Variants in PFKFB3 observed in about 807,000 individuals in gnomAD.
PFKFB3 encodes the protein 6-phosphofructo-2-kinase/fructose-2,6-biphosphatase 3, also known as 6-phosphofructo-2-kinase/fructose-2,6-bisphosphatase 3.
PFKFB3 carries 33 observed loss-of-function variants against 68.0 expected under a neutral mutation model. The ratio of observed to expected loss-of-function variants is 0.49; its 90% CI spans 0.37 to 0.65. PFKFB3 has a LOEUF of 0.65. Among genes scored for constraint, PFKFB3 ranks in the 30% least tolerant of loss-of-function variants. The pLI, the probability that PFKFB3 is intolerant of heterozygous loss-of-function variation, is 0.00. For missense variants in PFKFB3, 586 were observed against 712.2 expected, an observed-to-expected ratio of 0.82 and a Z score of 2.02; for synonymous variants, 315 against 288.2, an observed-to-expected ratio of 1.09 and a Z score of -0.94.
chr10:6,267,877 C>G, the PFKFB3 span, among the ~76,000 whole-genome samples: 1 of 142,034 alleles, frequency 7.0e-6, no homozygotes, highest in Non-Finnish European at 1.5e-5. Context: ...ATCGCTTGAA[C>G]CCGGGAGGCA....
intron 1 of PFKFB3, among the ~76,000 whole-genome samples, chr10:6,163,618 C>T (rs1193393832): frequency 6.6e-6 from 1 of 152,080 alleles, no homozygotes; most frequent in Non-Finnish European, 1.5e-5. Flanking sequence ...TGCTTCCTCC[C>T]AGGTGCACCT....
chr10:6,220,559 C>A lies in PFKFB3; in HGVS notation c.624-99C>A. ...GCCCTGGAGGGGCCTACGGTCCCGC[C>A]TTGCTGTTCTCTGGGGATCACATCT... On this transcript the variant is annotated intron_variant, in intron 7 of 14. Transcript: ENST00000379775. This position sits in a 1 kb window ranked among gnomAD's most constrained non-coding sequence, Gnocchi z 4.1. 9.0e-7 allele frequency: 1 copy of A among 1,110,068 alleles called. No homozygotes were observed. Among genetic ancestry groups the A allele is most frequent in the Non-Finnish European group, 1.3e-6 (1 of 741,000 alleles). The allele number at this position is 1,110,068 out of a possible 1,614,324, so 68.8% of individuals were successfully genotyped here. A position where few individuals can be genotyped will look rare whatever the true frequency, so the allele number is the denominator to read the frequency against.
the PFKFB3 span, among the ~76,000 whole-genome samples, chr10:6,305,202 T>A: frequency 8.3e-6 from 1 of 120,452 alleles, no homozygotes; most frequent in Non-Finnish European, 1.7e-5. Context: ...TTTTTTTTTT[T>A]AAGTAGAGAT....
At chr10:6,162,197 G>C (rs1396250594) in intron 1 of PFKFB3, among the ~76,000 whole-genome samples, 1 of 152,150 alleles carries the variant, frequency 6.6e-6, no homozygotes, top group African/African-American at 2.4e-5. Context: ...GCTCATCCAC[G>C]TTGTAGCATG....
At chr10:6,254,808 CTTTTTTTTTTTTTTT>C (rs144888417), downstream of PFKFB3, among the ~76,000 whole-genome samples, 9 of 61,622 alleles carry the variant, frequency 1.5e-4, no homozygotes, top group Admixed American at 1.4e-3. Flanking sequence ...TTTTTCTGTT[CTTTTTTTTTTTTTTT>C]TTTTTTTTTT....
downstream of PFKFB3, among the ~76,000 whole-genome samples, chr10:6,259,621 C>CCACCCAT (rs1227202482): frequency 2.6e-5 from 1 of 37,828 alleles, no homozygotes; most frequent in Non-Finnish European, 7.8e-5. Flanking sequence ...CATCCATCCA[C>CCACCCAT]CCATCCATCC....
At chr10:6,316,888 G>A in the PFKFB3 span, among the ~76,000 whole-genome samples, 2 of 152,250 alleles carry the variant, frequency 1.3e-5, no homozygotes, top group East Asian at 1.9e-4. Flanking sequence ...CTGCATCATG[G>A]TGTGACCCTC....
At chr10:6,203,431 G>C in intron 1 of PFKFB3, 95 bp downstream of exon 1, 1 of 806,068 alleles carries the variant, frequency 1.2e-6, no homozygotes, top group Non-Finnish European at 1.7e-6. Flanking sequence ...CTCTGCGGGG[G>C]GCGCGCCCGT....
At chr10:6,256,001 G>C (rs1243024488), downstream of PFKFB3, among the ~76,000 whole-genome samples, 1 of 152,206 alleles carries the variant, frequency 6.6e-6, no homozygotes, top group African/African-American at 2.4e-5. Flanking sequence ...CCCAGGCCAG[G>C]AACAAGGGGC....
chr10:6,293,637 C>T, the PFKFB3 span: 53 of 245,154 alleles, frequency 2.2e-4, no homozygotes, highest in Middle Eastern at 7.3e-3. Context: ...TGAGCCACGA[C>T]GTCCGGTCTA....
chr10:6,246,104 G>A (rs529087178), intron 14 of PFKFB3, among the ~76,000 whole-genome samples: 19 of 152,228 alleles, frequency 1.2e-4, no homozygotes, highest in South Asian at 6.2e-4. Context: ...CTCTGGTGAT[G>A]GCCATTCACC....
At chr10:6,319,783 T>C in the PFKFB3 span, among the ~76,000 whole-genome samples, 1 of 152,248 alleles carries the variant, frequency 6.6e-6, no homozygotes, top group South Asian at 2.1e-4. Flanking sequence ...ACATTCTCTT[T>C]CTTCCTGATA....
chr10:6,280,633 C>T, the PFKFB3 span, among the ~76,000 whole-genome samples: 1 of 152,162 alleles, frequency 6.6e-6, no homozygotes, highest in South Asian at 2.1e-4. Context: ...GCCCTGCTGT[C>T]TTCTCCATCT....
chr10:6,317,641 G>T, the PFKFB3 span, among the ~76,000 whole-genome samples: 1 of 152,152 alleles, frequency 6.6e-6, no homozygotes. Flanking sequence ...AGGAAAAGGG[G>T]CATTTCAAGA....
downstream of PFKFB3, among the ~76,000 whole-genome samples, chr10:6,238,600 T>A (rs1156457765): frequency 6.6e-6 from 1 of 151,562 alleles, no homozygotes; most frequent in Non-Finnish European, 1.5e-5. Context: ...ATGTGCAGGA[T>A]GTATAGACTT....
chr10:6,196,459 A>G (rs1564611585), intron 1 of PFKFB3, among the ~76,000 whole-genome samples: 1 of 152,160 alleles, frequency 6.6e-6, no homozygotes, highest in Non-Finnish European at 1.5e-5. Flanking sequence ...GCTGAGGAGC[A>G]AGGAAGCCAG....
the PFKFB3 span, among the ~76,000 whole-genome samples, chr10:6,304,181 C>T: frequency 6.6e-6 from 1 of 152,206 alleles, no homozygotes; most frequent in African/African-American, 2.4e-5. Context: ...TGTTTACTTA[C>T]TGCAGTAACA....
chr10:6,322,881 T>C, the PFKFB3 span, among the ~76,000 whole-genome samples: 11 of 152,364 alleles, frequency 7.2e-5, no homozygotes, highest in East Asian at 2.1e-3. Context: ...CTCATAATCC[T>C]AGTTATTTTA....
At chr10:6,223,531 G>A (rs193187012) in intron 11 of PFKFB3, among the ~76,000 whole-genome samples, 36 of 152,316 alleles carry the variant, frequency 2.4e-4, no homozygotes, top group African/African-American at 8.7e-4. Flanking sequence ...GACAGCTTGT[G>A]GCTGGGGACA....
Sources: allele counts gnomAD v4.1 joint callset (sites outside exome capture counted in the v4.1 genomes callset), GRCh38; gene constraint gnomAD v4.1.1; non-coding constraint Gnocchi (gnomAD v3.1); transcripts MANE v1.5; gene names NCBI Gene and HGNC (gene_info 2026-07-23, HGNC 2026-07-21).